Variants in ZNF891 observed in about 807,000 individuals in gnomAD.
ZNF891 encodes hCG1646157.
For missense variants in ZNF891, 589 were observed against 632.7 expected, an observed-to-expected ratio of 0.93 and a Z score of 0.74; for synonymous variants, 199 against 209.0, an observed-to-expected ratio of 0.95 and a Z score of 0.41.
chr12:133,116,076 T>G lies in ZNF891; in HGVS notation c.*4208A>C, dbSNP rs915501239. 6.6e-6 allele frequency: 1 copy of G among 152,140 alleles called. No individual in the cohort carries two copies. The highest frequency in any genetic ancestry group is 1.5e-5 in the Non-Finnish European group (1 of 68,032). The allele number at this position is 152,140 out of a possible 1,614,324, so 9.4% of individuals were successfully genotyped here. A position where few individuals can be genotyped will look rare whatever the true frequency, so the allele number is the denominator to read the frequency against. On this transcript the variant is annotated 3_prime_UTR_variant, in exon 2 of 2. Transcript: ENST00000537226. ...GTACAATCCCTTGCTGAGTACTCCT[T>G]AAGATGATCTCACCCAAGGACCACA...
rs775282902 is a variant in ZNF891 at position 133,106,237 on chromosome 12, G to C, written c.*14047C>G. 6.2e-7 allele frequency: 1 copy of C among 1,614,188 alleles called. No individual in the cohort carries two copies. Among genetic ancestry groups the C allele is most frequent in the Non-Finnish European group, 8.5e-7 (1 of 1,180,034 alleles). ...GTTTCTCACACCTTACTCGACATCA[G>C]AGCATCCATACAACCAAAACCCCGT... On this transcript the variant is annotated 3_prime_UTR_variant, in exon 2 of 2. Coordinates refer to ENST00000537226, the MANE Select transcript of ZNF891 (RefSeq NM_001277291.2).
At chr12:133,130,106 C>G (rs1445875733) in intron 1 of ZNF891, 121 bp downstream of exon 1, 1 of 152,656 alleles carries the variant, frequency 6.6e-6, no homozygotes, top group Non-Finnish European at 1.5e-5. Context: ...GCCTCCCGGG[C>G]AGGCTCCCTG....
rs1566328138 is a variant in ZNF891 at position 133,106,652 on chromosome 12, A to C, written c.*13632T>G. ...CTCATTCCTTACTGAACACCAGTGA[A>C]TTTACACTGCAAAGAAAAACTATGA... On this transcript the variant is annotated 3_prime_UTR_variant, in exon 2 of 2. Coordinates refer to ENST00000537226, the MANE Select transcript of ZNF891 (RefSeq NM_001277291.2). The C allele has an allele frequency of 6.4e-7, 1 of 1,563,042 alleles. No individual in the cohort carries two copies. The highest frequency in any genetic ancestry group is 1.2e-5 in the South Asian group (1 of 83,014).
rs528704141 is a variant in ZNF891, at chr12:133,120,314, C to T, written c.1605G>A (p.Lys535=). 3 of 1,549,530 alleles carry T rather than the reference C, an allele frequency of 1.9e-6. No homozygotes were observed. The South Asian group carries it at 3.5e-5, about 18-fold the overall frequency. The stretch of plus-strand genomic sequence containing the variant: ...GGGTTTCTCTCTCAGTATGAATTCT[C>T]TTGTGTATAATAAGTGAAGAGCTCT... ...FSQSSSLIIH[K]RIHTERETL Residue 535 remains lysine (K), a synonymous_variant, in exon 2 of 2, where the codon AAG becomes AAA. Coordinates refer to ENST00000537226, the MANE Select transcript of ZNF891 (RefSeq NM_001277291.2).
rs1955574726 is a variant in ZNF891 at position 133,105,930 on chromosome 12, A to G, written c.*14354T>C. On this transcript the variant is annotated 3_prime_UTR_variant, in exon 2 of 2. Transcript: ENST00000537226. Reference sequence around the variant, plus strand: ...ATACATACTGGAAAGAAACCCCATGAGTGTAAGGACTGTAATAAAACATTC... The same window carrying G: ...ATACATACTGGAAAGAAACCCCATGGGTGTAAGGACTGTAATAAAACATTC... 1 of 1,614,074 alleles carries G rather than the reference A, an allele frequency of 6.2e-7. No individual in the cohort carries two copies. Among genetic ancestry groups the G allele is most frequent in the African/African-American group, 1.3e-5 (1 of 74,944 alleles).
rs1171109332 is a variant in ZNF891 at position 133,114,856 on chromosome 12, C to G, written c.*5428G>C. ...ATTTTATCTTAACTGGAGAAAAAGG[C>G]CAGAAGAAGATTAAACGTGAAATGT... On this transcript the variant is annotated 3_prime_UTR_variant, in exon 2 of 2. Transcript: ENST00000537226. 1 of 152,070 alleles carries G rather than the reference C, an allele frequency of 6.6e-6. No individual in the cohort carries two copies. The highest frequency in any genetic ancestry group is 6.6e-5 in the Admixed American group (1 of 15,256). The allele number at this position is 152,070 out of a possible 1,614,324, so 9.4% of individuals were successfully genotyped here.
intron 1 of ZNF891, among the ~76,000 whole-genome samples, chr12:133,128,649 A>C (rs1955842226): frequency 6.6e-6 from 1 of 151,916 alleles, no homozygotes; most frequent in Non-Finnish European, 1.5e-5. Flanking sequence ...CAAACAAACA[A>C]ACAAAAACAA....
chr12:133,106,136 G>C lies in ZNF891; in HGVS notation c.*14148C>G. 1.9e-6 allele frequency: 3 copies of C among 1,614,068 alleles called. No homozygotes were observed. In the South Asian group the frequency reaches 3.3e-5, roughly 18 times the overall value. On this transcript the variant is annotated 3_prime_UTR_variant, in exon 2 of 2. Coordinates refer to ENST00000537226, the MANE Select transcript of ZNF891 (RefSeq NM_001277291.2). Reference sequence around the variant, plus strand: ...TGGTAAAGCATTTAGCAGTGGCTCAGAACTCATTCGCCACCAGATTACACA... The same window carrying C: ...TGGTAAAGCATTTAGCAGTGGCTCACAACTCATTCGCCACCAGATTACACA...
Position 133,105,928 on chromosome 12 carries a change from T to C in ZNF891, c.*14356A>G, listed in dbSNP as rs779503564. The C allele has an allele frequency of 4.3e-6, 7 of 1,614,038 alleles. No individual in the cohort carries two copies. In the Admixed American group the frequency reaches 1.2e-4, roughly 27 times the overall value. ...TGATACATACTGGAAAGAAACCCCA[T>C]GAGTGTAAGGACTGTAATAAAACAT... On this transcript the variant is annotated 3_prime_UTR_variant, in exon 2 of 2. Transcript: ENST00000537226.
In ZNF891 at chr12:133,121,387, C is replaced by A. The variant is rs1287057309; in HGVS notation, c.532G>T (p.Ala178Ser). ...TCCTGAGGTACTGTTTTCTTTGGGG[C>A]ATATATCATTTGCCTCCAATGTCCC... is the stretch of plus-strand genomic sequence containing the variant. ...PGGHWRQMIYAPKKTVPQELF... is the reference protein window; with the variant it reads ...PGGHWRQMIYSPKKTVPQELF... Residue 178 changes from alanine (A) to serine (S), a missense_variant, in exon 2 of 2, where the codon GCC becomes TCC. Ala to Ser is a moderately conservative substitution (Grantham distance 99). Coordinates refer to ENST00000537226, the MANE Select transcript of ZNF891 (RefSeq NM_001277291.2). The A allele has an allele frequency of 6.5e-7, 1 of 1,535,954 alleles. No homozygotes were observed. The highest frequency in any genetic ancestry group is 1.4e-5 in the African/African-American group (1 of 73,026).
In ZNF891 at chr12:133,105,496, T is replaced by TC; in HGVS notation, c.*14787_*14788insG. The TC allele has an allele frequency of 1.3e-6, 2 of 1,562,604 alleles. No homozygotes were observed. Among genetic ancestry groups the TC allele is most frequent in the Non-Finnish European group, 1.7e-6 (2 of 1,158,846 alleles). ...GGAAAAAGAAACATTCACTTTTTTTTTGGTATCTTTCAGTTTCAGAGTCAA... is the reference window on the plus strand; with the variant it reads ...GGAAAAAGAAACATTCACTTTTTTTTCTGGTATCTTTCAGTTTCAGAGTCAA... On this transcript the variant is annotated 3_prime_UTR_variant, in exon 2 of 2. Coordinates refer to ENST00000537226, the MANE Select transcript of ZNF891 (RefSeq NM_001277291.2).
In ZNF891 at chr12:133,113,259, G is replaced by T. The variant is rs1283624390; in HGVS notation, c.*7025C>A. 1 of 151,552 alleles carries T rather than the reference G, an allele frequency of 6.6e-6. No individual in the cohort carries two copies. Among genetic ancestry groups the T allele is most frequent in the African/African-American group, 2.4e-5 (1 of 41,286 alleles). The allele number at this position is 151,552 out of a possible 1,614,324, so 9.4% of individuals were successfully genotyped here. On this transcript the variant is annotated 3_prime_UTR_variant, in exon 2 of 2. Coordinates refer to ENST00000537226, the MANE Select transcript of ZNF891 (RefSeq NM_001277291.2). ...TGCTTTAAAAAGTATTTATTAAAAA[G>T]TTAATGATAGAATTATTTTTAAGAA...
chr12:133,129,064 A>G (rs11147247), intron 1 of ZNF891, among the ~76,000 whole-genome samples: 1 of 152,174 alleles, frequency 6.6e-6, no homozygotes, highest in South Asian at 2.1e-4. Flanking sequence ...TTTAAAAATC[A>G]CCATAGAAAT....
In ZNF891 at chr12:133,113,359, G is replaced by C. The variant is rs1032160080; in HGVS notation, c.*6925C>G. ...AGAAAAAAATTATGACATAACCATTGATAAAACTTTGGTGTTATGTCTTTC... is the reference window on the plus strand; with the variant it reads ...AGAAAAAAATTATGACATAACCATTCATAAAACTTTGGTGTTATGTCTTTC... On this transcript the variant is annotated 3_prime_UTR_variant, in exon 2 of 2. Transcript: ENST00000537226. 1 of 151,930 alleles carries C rather than the reference G, an allele frequency of 6.6e-6. No individual in the cohort carries two copies. Among genetic ancestry groups the C allele is most frequent in the African/African-American group, 2.4e-5 (1 of 41,402 alleles). The allele number at this position is 151,930 out of a possible 1,614,324, so 9.4% of individuals were successfully genotyped here.
At chr12:133,124,573 G>C (rs1205246593) in intron 1 of ZNF891, among the ~76,000 whole-genome samples, 1 of 151,268 alleles carries the variant, frequency 6.6e-6, no homozygotes, top group Non-Finnish European at 1.5e-5. Flanking sequence ...TAAAGTTACC[G>C]AAGAAAAAAG....
intron 1 of ZNF891, among the ~76,000 whole-genome samples, chr12:133,129,502 CAAAA>C (rs35653414): frequency 2.4e-4 from 22 of 92,750 alleles, no homozygotes; most frequent in South Asian, 7.1e-4. Context: ...AACTCTGTCT[CAAAA>C]AAAAAAAAAA....
chr12:133,121,909 T>C lies in ZNF891; in HGVS notation c.10A>G (p.Met4Val), dbSNP rs1566336884. The C allele has an allele frequency of 6.5e-7, 1 of 1,533,560 alleles. No homozygotes were observed. Among genetic ancestry groups the C allele is most frequent in the South Asian group, 1.2e-5 (1 of 83,666 alleles). 95.0% of individuals were successfully genotyped at this position (1,533,560 alleles called of 1,614,324 possible). A position where few individuals can be genotyped will look rare whatever the true frequency, so the allele number is the denominator to read the frequency against. The stretch of plus-strand genomic sequence containing the variant: ...AAAGCCCATGGGGAGGATAGGTCCA[T>C]AACTGCCATTTTATGAGTACATAAG... MAV[M>V]DLSSPWALTK... The change falls in exon 2 of 2, where the codon ATG (methionine) becomes GTG (valine). Residue 4 changes from methionine to valine, a missense_variant. By Grantham distance (21) the Met-to-Val change is conservative (BLOSUM62 1). Transcript: ENST00000537226.
Position 133,121,412 on chromosome 12 carries a change from C to A in ZNF891, c.507G>T (p.Gly169=). Residue 169 remains glycine, a synonymous_variant, in exon 2 of 2, where the codon GGG becomes GGT. Transcript: ENST00000537226. ...CATATATCATTTGCCTCCAATGTCC[C>A]CCTGGAATCTTATGCTGTTTTCTGA... ...HKIRKQHKIP[G]GHWRQMIYAP... The A allele has an allele frequency of 6.5e-7, 1 of 1,536,058 alleles. No individual in the cohort carries two copies. Among genetic ancestry groups the A allele is most frequent in the Non-Finnish European group, 8.7e-7 (1 of 1,146,890 alleles).
chr12:133,115,476 G>A lies in ZNF891; in HGVS notation c.*4808C>T, dbSNP rs1955711200. The A allele has an allele frequency of 1.4e-5, 2 of 147,808 alleles. No homozygotes were observed. The highest frequency in any genetic ancestry group is 5.0e-5 in the African/African-American group (2 of 40,116). 9.2% of individuals were successfully genotyped at this position (147,808 alleles called of 1,614,324 possible). ...AAATGTTTGTATGTACATAAAGTCT[G>A]ACAGAATGCACATTCACCTACGATA... On this transcript the variant is annotated 3_prime_UTR_variant, in exon 2 of 2. Coordinates refer to ENST00000537226, the MANE Select transcript of ZNF891 (RefSeq NM_001277291.2).
Sources: allele counts gnomAD v4.1 joint callset (sites outside exome capture counted in the v4.1 genomes callset), GRCh38; gene constraint gnomAD v4.1.1; transcripts MANE v1.5; gene names NCBI Gene and HGNC (gene_info 2026-07-23, HGNC 2026-07-21).